LRP2: variants seen among roughly 807,000 people sequenced by gnomAD.
The protein encoded by LRP2 is LDL receptor related protein 2, also known as low-density lipoprotein receptor-related protein 2.
Under a neutral mutation model 531.0 loss-of-function variants are expected in LRP2, and 172 were observed. The observed-to-expected ratio is 0.32, with a 90% CI of 0.29 to 0.37. The LOEUF is 0.37. Ranked by LOEUF, LRP2 falls within the 10% of genes least tolerant of loss-of-function variation. The probability of loss-of-function intolerance (pLI) is 1.00; values close to 1 mark genes in which losing one functional copy is unlikely to be tolerated. For missense variants in LRP2, 5,167 were observed against 5,868.3 expected (o/e 0.88, Z 3.90); for synonymous variants, 1,992 against 2,027.6 (o/e 0.98, Z 0.47).
In LRP2 at chr2:169,284,256, C is replaced by CTTTTTTTTTT. The variant is rs1216987363; in HGVS notation, c.1043-1265_1043-1256dup. ...CTTTTCTTTTCTTTTTCTTTTTTTT[C>CTTTTTTTTTT]TTTTTTTTTTTTTTTTTTTTTTTTT... is the stretch of plus-strand genomic sequence containing the variant. On this transcript the variant is annotated intron_variant, in intron 9 of 78. Transcript: ENST00000649046. 2.8e-3 allele frequency among the ~76,000 whole-genome samples: 269 copies of CTTTTTTTTTT among 96,622 alleles called. 3 individuals are homozygous for CTTTTTTTTTT. Among genetic ancestry groups the CTTTTTTTTTT allele is most frequent in the Middle Eastern group, 7.6e-3 (1 of 132 alleles). The allele number at this position is 96,622 out of a possible 152,430, so 63.4% of individuals were successfully genotyped here.
intron 25 of LRP2, chr2:169,240,623 C>T (rs1429471688): frequency 7.0e-6 from 3 of 426,486 alleles, no homozygotes; most frequent in Middle Eastern, 1.3e-3. Flanking sequence ...CCCTGGACTT[C>T]ATTTTTTTGT....
chr2:169,187,134 T>G (rs528102035), intron 49 of LRP2, among the ~76,000 whole-genome samples: 2 of 152,142 alleles, frequency 1.3e-5, no homozygotes, highest in Non-Finnish European at 2.9e-5. Context: ...TTTGTTATAA[T>G]AGGTAAACAC....
At chr2:169,146,413 G>A (rs1243069836) in intron 69 of LRP2, among the ~76,000 whole-genome samples, 1 of 152,196 alleles carries the variant, frequency 6.6e-6, no homozygotes, top group African/African-American at 2.4e-5. Context: ...GTGTCCAGAA[G>A]CGGTTAGACA....
intron 1 of LRP2, among the ~76,000 whole-genome samples, chr2:169,345,968 A>G (rs1685688542): frequency 6.6e-6 from 1 of 152,226 alleles, no homozygotes; most frequent in Non-Finnish European, 1.5e-5. Flanking sequence ...CACTGTGACA[A>G]GTCACACTTA....
chr2:169,211,896 T>C (rs1463788785), intron 37 of LRP2, 72 bp downstream of exon 37: 12 of 1,593,702 alleles, frequency 7.5e-6, no homozygotes, highest in Non-Finnish European at 1.0e-5. Flanking sequence ...TGAAGAAATG[T>C]TTTCATGGCA....
chr2:169,206,443 T>G lies in LRP2; in HGVS notation c.7277A>C (p.Tyr2426Ser). The G allele has an allele frequency of 6.2e-7, 1 of 1,614,188 alleles. No individual in the cohort carries two copies. The highest frequency in any genetic ancestry group is 8.5e-7 in the Non-Finnish European group (1 of 1,180,006). ...GTAGATTCTATCACTTACACTGTCA[T>G]AGTCTAGAGACATGACAGTTCTTTC... is the stretch of plus-strand genomic sequence containing the variant. ...NVERTVMSLDYDSVSDRIYFT... is the reference protein window; with the variant it reads ...NVERTVMSLDSDSVSDRIYFT... The change falls in exon 39 of 79, where the codon TAT becomes TCT. Residue 2426 changes from tyrosine (Y) to serine (S), a missense_variant. Transcript: ENST00000649046.
At chr2:169,254,796 C>T (rs1690237790) in intron 19 of LRP2, among the ~76,000 whole-genome samples, 1 of 151,860 alleles carries the variant, frequency 6.6e-6, no homozygotes, top group African/African-American at 2.4e-5. Context: ...CCCAAAACAT[C>T]CCAGCCCAGA....
rs367564771 is a variant in LRP2, at chr2:169,279,550, T to C, written c.1387A>G (p.Asn463Asp). ...INGLNIQEVL[N>D]VSVETPENLA... The stretch of plus-strand genomic sequence containing the variant: ...TTCTCTGGGGTTTCAACAGAAACAT[T>C]GAGAACCTCTTGGATATTTAAACCA... The change falls in exon 12 of 79, where the codon AAT (asparagine) becomes GAT (aspartate). Residue 463 changes from asparagine to aspartate, a missense_variant. Coordinates refer to ENST00000649046, the MANE Select transcript of LRP2 (RefSeq NM_004525.3). The C allele has an allele frequency of 3.1e-5, 50 of 1,613,862 alleles. No homozygotes were observed. Among genetic ancestry groups the C allele is most frequent in the Non-Finnish European group, 4.2e-5 (50 of 1,179,892 alleles).
At chr2:169,199,792 T>C (rs1688134204) in intron 44 of LRP2, among the ~76,000 whole-genome samples, 1 of 152,132 alleles carries the variant, frequency 6.6e-6, no homozygotes, top group Non-Finnish European at 1.5e-5. Flanking sequence ...ATTCTTTGAG[T>C]GGTTATAATA....
At chr2:169,265,133 A>C (rs1690746502) in intron 16 of LRP2, among the ~76,000 whole-genome samples, 1 of 150,966 alleles carries the variant, frequency 6.6e-6, no homozygotes, top group African/African-American at 2.4e-5. Flanking sequence ...TCTTCCCCTT[A>C]CTCCAAGAAG....
chr2:169,359,567 G>A (rs1206702695), intron 1 of LRP2, among the ~76,000 whole-genome samples: 1 of 152,092 alleles, frequency 6.6e-6, no homozygotes, highest in Non-Finnish European at 1.5e-5. Context: ...ATTAAGTCAG[G>A]ATCATTACAA....
intron 57 of LRP2, 87 bp downstream of exon 57, chr2:169,173,007 GAA>G: frequency 6.7e-7 from 1 of 1,503,730 alleles, no homozygotes; most frequent in South Asian, 1.1e-5. Context: ...GATGACATGG[GAA>G]ATACACTCTC....
intron 63 of LRP2, among the ~76,000 whole-genome samples, chr2:169,158,770 A>G (rs1351592649): frequency 6.6e-6 from 1 of 151,882 alleles, no homozygotes; most frequent in African/African-American, 2.4e-5. Flanking sequence ...AAGTACACCA[A>G]ACTTTAAAGG....
rs763141145 is a variant in LRP2 at position 169,206,342 on chromosome 2, C to T, written c.7378G>A (p.Val2460Ile). The T allele has an allele frequency of 6.2e-7, 1 of 1,613,748 alleles. No individual in the cohort carries two copies. The highest frequency in any genetic ancestry group is 8.5e-7 in the Non-Finnish European group (1 of 1,179,732). The change falls in exon 39 of 79, where the codon GTC becomes ATC. Residue 2460 changes from valine to isoleucine, a missense_variant. Val to Ile is a conservative substitution (Grantham distance 29, BLOSUM62 3). Around this residue, in one of 6 missense-constraint regions of LRP2, gnomAD observed 1,129 missense variants for 1,362.7 expected, o/e 0.83. Coordinates refer to ENST00000649046, the MANE Select transcript of LRP2 (RefSeq NM_004525.3). ...TLSSGIHTPT[V>I]IASGIGTADG... ...GGAGTGCACTTACCTGAAGCAATGACAGTTGGAGTATGGATCCCTGAAGAC... is the reference window on the plus strand; with the variant it reads ...GGAGTGCACTTACCTGAAGCAATGATAGTTGGAGTATGGATCCCTGAAGAC...
chr2:169,315,062 G>A (rs942427950), intron 3 of LRP2, among the ~76,000 whole-genome samples: 7 of 152,132 alleles, frequency 4.6e-5, no homozygotes, highest in Non-Finnish European at 1.0e-4. Flanking sequence ...GGTTTTCAAA[G>A]GGCTTACGAA....
At chr2:169,165,225 A>T (rs1417233323) in intron 62 of LRP2, among the ~76,000 whole-genome samples, 1 of 152,208 alleles carries the variant, frequency 6.6e-6, no homozygotes, top group Non-Finnish European at 1.5e-5. Context: ...TGGGGAAAAA[A>T]ATAATTGGAG....
chr2:169,226,365 G>A, intron 32 of LRP2, 57 bp downstream of exon 32: 2 of 1,399,256 alleles, frequency 1.4e-6, no homozygotes, highest in Non-Finnish European at 2.0e-6. Context: ...GAAAACATCA[G>A]TGCAGGCAGG....
chr2:169,327,584 G>A (rs1275201149), intron 1 of LRP2, among the ~76,000 whole-genome samples: 1,506 of 124,750 alleles, frequency 0.012, 16 homozygotes, highest in African/African-American at 0.045. Flanking sequence ...GGTGAGGGGC[G>A]CCTCTGCCCA....
At chr2:169,284,803 A>G (rs1683807999) in intron 9 of LRP2, among the ~76,000 whole-genome samples, 1 of 152,144 alleles carries the variant, frequency 6.6e-6, no homozygotes, top group Non-Finnish European at 1.5e-5. Flanking sequence ...CTCAGCAGGA[A>G]AAAAAGTACA....
Sources: allele counts gnomAD v4.1 joint callset (sites outside exome capture counted in the v4.1 genomes callset), GRCh38; gene constraint gnomAD v4.1.1; regional missense constraint gnomAD v4.1.1; transcripts MANE v1.5; gene names NCBI Gene and HGNC (gene_info 2026-07-23, HGNC 2026-07-21).